The following PCF11 variants were observed in gnomAD, a reference collection of about 807,000 sequenced individuals.
PCF11 encodes PCF11 cleavage and polyadenylation factor subunit, also known as pre-mRNA cleavage complex 2 protein Pcf11.
PCF11 carries 19 observed loss-of-function variants against 166.1 expected under a neutral mutation model. The observed-to-expected ratio is 0.11, with a 90% CI of 0.08 to 0.17. The LOEUF (loss-of-function observed/expected upper bound fraction) is 0.17. Ranked by LOEUF, PCF11 falls within the 10% of genes least tolerant of loss-of-function variation. PCF11 has a pLI of 1.00. For synonymous variants in PCF11, 663 were observed against 644.1 expected (o/e 1.03, Z -0.44); for missense variants, 1,565 against 1,855.5 (o/e 0.84, Z 2.88).
At chr11:83,182,365 T>TA (rs1477986528) in intron 13 of PCF11, 34 bp from the exon 14 acceptor site, 1 of 1,069,538 alleles carries the variant, frequency 9.3e-7, no homozygotes, top group Non-Finnish European at 1.4e-6. Context: ...TATGGTCTAT[T>TA]ATGTAAATTT....
At chr11:83,174,873 C>T (rs963931116) in intron 9 of PCF11, among the ~76,000 whole-genome samples, 5 of 152,170 alleles carry the variant, frequency 3.3e-5, no homozygotes, top group African/African-American at 1.2e-4. Context: ...AAAGGTTAAA[C>T]TAGTGAGTTA....
intron 2 of PCF11, among the ~76,000 whole-genome samples, chr11:83,163,423 C>CT (rs1229452464): frequency 4.6e-5 from 7 of 151,658 alleles, no homozygotes; most frequent in African/African-American, 1.5e-4. Context: ...ATACTAAGCT[C>CT]TAAGATGTGG....
chr11:83,158,675 AGTT>A (rs1860106305), intron 1 of PCF11: 1 of 152,182 alleles, frequency 6.6e-6, no homozygotes, highest in Admixed American at 6.5e-5. Flanking sequence ...AGTTTTTTCT[AGTT>A]GTTAGTGATT....
At position 83,157,420 on chromosome 11, in the gene PCF11, C is replaced by T. The variant is rs1860032140; in HGVS notation, c.-20C>T. 3.7e-6 allele frequency: 6 copies of T among 1,601,794 alleles called. No individual in the cohort carries two copies. In the East Asian group the frequency reaches 1.3e-4, roughly 36 times the overall value. On this transcript the variant is annotated 5_prime_UTR_variant, in exon 1 of 16. Transcript: ENST00000298281. ...CTTCAGCTTCAGCTGCAGCGGACCT[C>T]GGAGGGGGGCCGCGGCGCAATGTCA...
chr11:83,186,357 ACTT>A (rs1861291627), exon 16 of PCF11: 1 of 152,208 alleles, frequency 6.6e-6, no homozygotes, highest in Non-Finnish European at 1.5e-5. Context: ...TCAAAAATTG[ACTT>A]CTTATGGTTA....
intron 1 of PCF11, chr11:83,158,201 T>C (rs1043531954): frequency 6.6e-6 from 1 of 152,264 alleles, no homozygotes; most frequent in East Asian, 1.9e-4. Context: ...GGAGAATCCA[T>C]TCCCTGCCAG....
rs1860557745 is a variant in PCF11, at chr11:83,168,589, T to C, written c.2254T>C (p.Phe752Leu). The change falls in exon 8 of 16, where the codon TTT becomes CTT. Residue 752 changes from phenylalanine (F) to leucine (L), a missense_variant. Physicochemically the swap from Phe to Leu is conservative, Grantham distance 22 (BLOSUM62 0). Transcript: ENST00000298281. ...AGCTTTAGCTGAAGACAGACCGTTA[T>C]TTGATGGACCTAGTAGGCCATCAGT... is the stretch of plus-strand genomic sequence containing the variant. 1 of 1,613,880 alleles carries C rather than the reference T, an allele frequency of 6.2e-7. No homozygotes were observed. Among genetic ancestry groups the C allele is most frequent in the Admixed American group, 1.7e-5 (1 of 59,998 alleles).
rs548507423 is a variant in PCF11, at chr11:83,178,600, C to T, written c.3983+781C>T. Among the ~76,000 whole-genome samples, 38 of 151,820 alleles carry T rather than the reference C, an allele frequency of 2.5e-4. No individual in the cohort carries two copies. In the East Asian group the frequency reaches 7.0e-3, roughly 28 times the overall value. On this transcript the variant is annotated intron_variant, in intron 11 of 15. Coordinates refer to ENST00000298281, the Ensembl canonical transcript of PCF11. ...CACGAGGTCAGGAGATCGAGACCAT[C>T]CTGGCTAACAAGACCATCCTGGCTA...
exon 8 of PCF11, chr11:83,169,405 C>T (rs1860597267): frequency 6.2e-7 from 1 of 1,613,690 alleles, no homozygotes; most frequent in South Asian, 1.1e-5. Context: ...TGAAGGGCCT[C>T]TGGGTCAAGG....
At chr11:83,157,743 AC>A (rs921392120) in intron 1 of PCF11, 112 bp downstream of exon 1, 35 of 845,006 alleles carry the variant, frequency 4.1e-5, no homozygotes, top group South Asian at 1.2e-4. Flanking sequence ...CTTCTCTCCA[AC>A]CCCCCCACCC....
chr11:83,168,470 C>T (rs1330422234), exon 8 of PCF11: 1 of 1,610,352 alleles, frequency 6.2e-7, no homozygotes, highest in African/African-American at 1.3e-5. Context: ...GATCGTTTTC[C>T]ACTTAAGCGA....
At position 83,164,485 on chromosome 11, in the gene PCF11, A is replaced by G. The variant is rs1590923465; in HGVS notation, c.702+84A>G. On this transcript the variant is annotated intron_variant, in intron 4 of 15. Coordinates refer to ENST00000298281, the Ensembl canonical transcript of PCF11. ...ATGTTTATGTTTGAATTTTATTAACATGTTACTTTTATTAATAGTGTACTC... is the reference window on the plus strand; with the variant it reads ...ATGTTTATGTTTGAATTTTATTAACGTGTTACTTTTATTAATAGTGTACTC... 1.4e-5 allele frequency: 14 copies of G among 979,638 alleles called. No individual in the cohort carries two copies. In the East Asian group the frequency reaches 2.9e-4, roughly 20 times the overall value. 60.7% of individuals were successfully genotyped at this position (979,638 alleles called of 1,614,324 possible). A position where few individuals can be genotyped will look rare whatever the true frequency, so the allele number is the denominator to read the frequency against.
intron 4 of PCF11, 100 bp from the exon 5 acceptor site, chr11:83,165,500 A>C: frequency 1.3e-6 from 1 of 779,866 alleles, no homozygotes; most frequent in South Asian, 2.0e-5. Flanking sequence ...TTGAGTAAAT[A>C]TATTTATTGA....
exon 8 of PCF11, chr11:83,169,145 C>T (rs1412791243): frequency 1.2e-5 from 19 of 1,613,348 alleles, no homozygotes; most frequent in Non-Finnish European, 1.5e-5. Flanking sequence ...CATGGTCAGC[C>T]AGGAGGTGGA....
exon 16 of PCF11, chr11:83,186,023 T>C (rs1039802512): frequency 2.0e-5 from 3 of 152,248 alleles, no homozygotes; most frequent in Admixed American, 6.5e-5. Flanking sequence ...TCTCTGGTAT[T>C]CACATCTAAT....
chr11:83,164,797 C>T (rs764496417), intron 4 of PCF11, among the ~76,000 whole-genome samples: 16 of 151,922 alleles, frequency 1.1e-4, no homozygotes, highest in Non-Finnish European at 2.1e-4. Flanking sequence ...GGATCACTTG[C>T]GGCTGCAGTG....
chr11:83,179,520 G>GA (rs1264955247), intron 11 of PCF11, among the ~76,000 whole-genome samples: 2 of 152,024 alleles, frequency 1.3e-5, no homozygotes. Flanking sequence ...AAAATGCTGG[G>GA]ATTACAGGTT....
chr11:83,157,860 C>A (rs1590916420), intron 1 of PCF11: 2 of 567,670 alleles, frequency 3.5e-6, no homozygotes. Flanking sequence ...CTTTCCAACT[C>A]CCTTTTTAGG....
At chr11:83,160,153 A>G (rs1860176419) in intron 1 of PCF11, among the ~76,000 whole-genome samples, 1 of 152,088 alleles carries the variant, frequency 6.6e-6, no homozygotes, top group African/African-American at 2.4e-5. Context: ...GTGTTATCAG[A>G]AGCAAGAGCA....
Sources: gnomAD v4.1 joint callset for allele counts (sites outside exome capture counted in the v4.1 genomes callset) on GRCh38, gnomAD v4.1.1 for gene constraint, MANE v1.5 for transcripts, NCBI Gene and HGNC (gene_info 2026-07-23, HGNC 2026-07-21) for gene names.